TIAM1: variants seen among roughly 807,000 people sequenced by gnomAD.
TIAM1 encodes TIAM Rac1 associated GEF 1.
Under a neutral mutation model 163.5 loss-of-function variants are expected in TIAM1, and 65 were observed. The ratio of observed to expected loss-of-function variants is 0.40; its 90% CI spans 0.33 to 0.49. The LOEUF (loss-of-function observed/expected upper bound fraction) is 0.49. TIAM1 is among the 20% of genes least tolerant of loss of function. The pLI is 0.77. For synonymous variants in TIAM1, 833 were observed against 810.1 expected (o/e 1.03, Z -0.48); for missense variants, 1,789 against 2,044.7 (o/e 0.87, Z 2.41).
intron 2 of TIAM1, among the ~76,000 whole-genome samples, chr21:31,323,205 T>C (rs2075372775): frequency 6.6e-6 from 1 of 151,666 alleles, no homozygotes; most frequent in Non-Finnish European, 1.5e-5. Flanking sequence ...GGAGAATTGC[T>C]TGAACCCGGG....
At chr21:31,257,086 C>A (rs2072155546) in intron 4 of TIAM1, among the ~76,000 whole-genome samples, 1 of 152,188 alleles carries the variant, frequency 6.6e-6, no homozygotes. Context: ...GTTCACAAAA[C>A]AGCACACTAA....
intron 2 of TIAM1, among the ~76,000 whole-genome samples, chr21:31,301,146 G>A (rs1348849224): frequency 1.3e-5 from 2 of 152,284 alleles, no homozygotes; most frequent in Middle Eastern, 3.4e-3. Context: ...CAGTGCTTAG[G>A]ACAGGGGCGA....
intron 6 of TIAM1, among the ~76,000 whole-genome samples, chr21:31,243,021 T>A (rs113471268): frequency 0.017 from 2,562 of 150,162 alleles, 82 homozygotes; most frequent in African/African-American, 0.06. Context: ...ACCCCACCTC[T>A]ACTAGAAAAA....
At chr21:31,292,649 C>T (rs845970) in intron 2 of TIAM1, among the ~76,000 whole-genome samples, 15 of 150,718 alleles carry the variant, frequency 1.0e-4, no homozygotes, top group Non-Finnish European at 1.8e-4. Context: ...GGATTACAGG[C>T]ATGAGCCACC....
At chr21:31,511,858 C>A (rs1414637008) in intron 1 of TIAM1, among the ~76,000 whole-genome samples, 2 of 152,098 alleles carry the variant, frequency 1.3e-5, no homozygotes, top group African/African-American at 2.4e-5. Context: ...AATATTATAA[C>A]AACAAAATTT....
chr21:31,174,672 A>T (rs1300348335), intron 15 of TIAM1, among the ~76,000 whole-genome samples: 1 of 151,922 alleles, frequency 6.6e-6, no homozygotes, highest in Admixed American at 6.6e-5. Context: ...TTTGAGAGAG[A>T]GTTTCGCTCT....
intron 1 of TIAM1, among the ~76,000 whole-genome samples, chr21:31,342,419 A>C (rs950189532): frequency 6.6e-6 from 1 of 152,258 alleles, no homozygotes; most frequent in Non-Finnish European, 1.5e-5. Flanking sequence ...CTACACGGTC[A>C]TATACTAGCA....
At chr21:31,400,775 C>T (rs1200470861) in intron 2 of TIAM1, among the ~76,000 whole-genome samples, 1 of 152,152 alleles carries the variant, frequency 6.6e-6, no homozygotes, top group East Asian at 1.9e-4. Context: ...CTTCAACACA[C>T]ATCAGAAGTC....
At chr21:31,136,710 A>G (rs2082635468) in intron 22 of TIAM1, among the ~76,000 whole-genome samples, 2 of 152,230 alleles carry the variant, frequency 1.3e-5, no homozygotes, top group African/African-American at 4.8e-5. Context: ...ACTGATCTAC[A>G]AAACTGGAGA....
chr21:31,232,698 T>G (rs1362921795), intron 6 of TIAM1, among the ~76,000 whole-genome samples: 1 of 152,166 alleles, frequency 6.6e-6, no homozygotes, highest in African/African-American at 2.4e-5. Context: ...CTCCCCTTCT[T>G]GAACCGGGCA....
At chr21:31,347,421 T>C (rs1041520776), upstream of TIAM1, among the ~76,000 whole-genome samples, 1 of 152,154 alleles carries the variant, frequency 6.6e-6, no homozygotes, top group Non-Finnish European at 1.5e-5. Flanking sequence ...ACAACACTAG[T>C]AGACAAGTGG....
At chr21:31,330,385 G>A (rs1038719383) in intron 2 of TIAM1, among the ~76,000 whole-genome samples, 1 of 152,132 alleles carries the variant, frequency 6.6e-6, no homozygotes, top group African/African-American at 2.4e-5. Flanking sequence ...ATAAACATCC[G>A]TGTGCAGAGT....
intron 2 of TIAM1, among the ~76,000 whole-genome samples, chr21:31,297,075 T>A (rs774120613): frequency 3.3e-5 from 5 of 152,218 alleles, no homozygotes; most frequent in Non-Finnish European, 7.3e-5. Context: ...TAGGGATACA[T>A]GCACCCTTCC....
At chr21:31,429,521 G>A (rs1260771807) in intron 2 of TIAM1, among the ~76,000 whole-genome samples, 11 of 152,188 alleles carry the variant, frequency 7.2e-5, no homozygotes, top group Non-Finnish European at 1.5e-5. Flanking sequence ...GCGGAGGGGT[G>A]TGCCCTGCCA....
Position 31,141,642 on chromosome 21 carries a change from G to A in TIAM1, c.3476-138C>T. Reference sequence around the variant, plus strand: ...AGAGTGGGTGGCAGGAAGAGGGACAGGTAGGGGAGGGGGCAGTCAGGGAGA... The same window carrying A: ...AGAGTGGGTGGCAGGAAGAGGGACAAGTAGGGGAGGGGGCAGTCAGGGAGA... On this transcript the variant is annotated intron_variant, in intron 20 of 27. Coordinates refer to ENST00000541036, the MANE Select transcript of TIAM1 (RefSeq NM_001353694.2). The surrounding 1 kb of genome is among the most constrained non-coding windows in gnomAD (Gnocchi z 4.7). 3.3e-6 allele frequency: 3 copies of A among 897,374 alleles called. No homozygotes were observed. Among genetic ancestry groups the A allele is most frequent in the South Asian group, 1.7e-5 (1 of 59,550 alleles). 55.6% of individuals were successfully genotyped at this position (897,374 alleles called of 1,614,324 possible). A position where few individuals can be genotyped will look rare whatever the true frequency, so the allele number is the denominator to read the frequency against.
chr21:31,489,004 C>CAG (rs2046366331), intron 1 of TIAM1, among the ~76,000 whole-genome samples: 1 of 67,570 alleles, frequency 1.5e-5, no homozygotes, highest in Admixed American at 1.5e-4. Flanking sequence ...ATGCTACAAT[C>CAG]AGAAAAAAAA....
intron 7 of TIAM1, 134 bp from the exon 8 acceptor site, chr21:31,223,725 G>T: frequency 1.2e-6 from 1 of 853,124 alleles, no homozygotes. Context: ...AGGTACCTAA[G>T]TTTCTTAGTT....
chr21:31,160,357 T>C, intron 16 of TIAM1: 1 of 398,176 alleles, frequency 2.5e-6, no homozygotes, highest in Non-Finnish European at 4.4e-6. Flanking sequence ...GTGTAATCAC[T>C]GTCATTCGGA....
chr21:31,255,719 G>T (rs2072062715), intron 4 of TIAM1, among the ~76,000 whole-genome samples: 2 of 152,222 alleles, frequency 1.3e-5, no homozygotes, highest in African/African-American at 2.4e-5. Flanking sequence ...GACATCAAGG[G>T]AGATGGTAAG....
Sources: gnomAD v4.1 joint callset for allele counts (sites outside exome capture counted in the v4.1 genomes callset) on GRCh38, gnomAD v4.1.1 for gene constraint, Gnocchi (gnomAD v3.1) non-coding constraint, MANE v1.5 for transcripts, NCBI Gene and HGNC (gene_info 2026-07-23, HGNC 2026-07-21) for gene names.